ASH2L: variants seen among roughly 807,000 people sequenced by gnomAD.
ASH2L encodes the protein set1/Ash2 histone methyltransferase complex subunit ASH2.
Under a neutral mutation model 81.1 loss-of-function variants are expected in ASH2L, and 30 were observed. The observed-to-expected ratio is 0.37, with a 90% CI of 0.28 to 0.50. ASH2L has a LOEUF of 0.50. Ranked by LOEUF, ASH2L falls within the 20% of genes least tolerant of loss-of-function variation. The pLI, the probability that ASH2L is intolerant of heterozygous loss-of-function variation, is 0.95. For synonymous variants in ASH2L, 273 were observed against 279.9 expected, an observed-to-expected ratio of 0.98 and a Z score of 0.24; for missense variants, 559 against 792.1, an observed-to-expected ratio of 0.71 and a Z score of 3.53.
chr8:38,110,731 T>C lies in ASH2L; in HGVS notation c.491-8T>C. ...AGATAACTGTTTCTTCCTTTTTGTT[T>C]TTGATAGACTTGAAGGAAATGTGCC... On this transcript the variant is annotated splice_region_variant and splice_polypyrimidine_tract_variant and intron_variant, in intron 4 of 15. Coordinates refer to ENST00000343823, the MANE Select transcript of ASH2L (RefSeq NM_004674.5). 1 of 1,611,272 alleles carries C rather than the reference T, an allele frequency of 6.2e-7. No individual in the cohort carries two copies. The highest frequency in any genetic ancestry group is 8.5e-7 in the Non-Finnish European group (1 of 1,178,152).
Position 38,105,537 on chromosome 8 carries a change from C to G in ASH2L, c.-14C>G. 2 of 1,550,884 alleles carry G rather than the reference C, an allele frequency of 1.3e-6. No homozygotes were observed. The highest frequency in any genetic ancestry group is 1.7e-6 in the Non-Finnish European group (2 of 1,146,978). On this transcript the variant is annotated 5_prime_UTR_variant, in exon 1 of 16. Transcript: ENST00000343823. ...GAAGAGAGTATTCTCGCGAGAAGTC[C>G]AGGGGTGGCCGTGATGGCGGCGGCA...
chr8:38,125,171 A>G lies in ASH2L; in HGVS notation c.1166-3120A>G, dbSNP rs185942709. Among the ~76,000 whole-genome samples the G allele has an allele frequency of 2.6e-5, 4 of 152,358 alleles. No homozygotes were observed. The East Asian group carries it at 7.7e-4, about 29-fold the overall frequency. On this transcript the variant is annotated intron_variant, in intron 10 of 15. Transcript: ENST00000343823. ...AACCTGCACTTAGGGTCAAATACCC[A>G]AACTATAGCGATACCTTGTACACTT... is the stretch of plus-strand genomic sequence containing the variant.
chr8:38,120,017 C>T lies in ASH2L; in HGVS notation c.947+654C>T, dbSNP rs560349067. 2.9e-4 allele frequency among the ~76,000 whole-genome samples: 44 copies of T among 151,602 alleles called. 2 individuals carry two copies. In the South Asian group the frequency reaches 8.6e-3, roughly 30 times the overall value. On this transcript the variant is annotated intron_variant, in intron 9 of 15. Coordinates refer to ENST00000343823, the MANE Select transcript of ASH2L (RefSeq NM_004674.5). ...GCACGTGCCTATAATCCCAGCTACT[C>T]GGGAGGCTGAGGTGGGAGAATTGCT...
At chr8:38,138,434 T>G (rs947340496) in intron 14 of ASH2L, 7 of 189,712 alleles carry the variant, frequency 3.7e-5, no homozygotes, top group African/African-American at 1.7e-4. Flanking sequence ...TCACATAAGG[T>G]AAGGTGAACA....
intron 12 of ASH2L, 116 bp from the exon 13 acceptor site, chr8:38,133,338 T>C (rs1044332385): frequency 1.4e-6 from 1 of 702,088 alleles, no homozygotes; most frequent in Non-Finnish European, 2.4e-6. Flanking sequence ...CTGCAAAGAT[T>C]TTTAATATCT....
At chr8:38,116,830 T>C (rs1001738656) in intron 8 of ASH2L, 105 bp downstream of exon 8, 5 of 927,508 alleles carry the variant, frequency 5.4e-6, no homozygotes, top group Non-Finnish European at 8.0e-6. Flanking sequence ...GGATACTTAC[T>C]AAAATGCTTT....
intron 10 of ASH2L, 93 bp downstream of exon 10, chr8:38,121,242 C>A: frequency 2.8e-6 from 3 of 1,085,654 alleles, no homozygotes; most frequent in Non-Finnish European, 4.1e-6. Context: ...ACATCTCAGT[C>A]TGTTGCCACT....
Position 38,139,253 on chromosome 8 carries a change from C to A in ASH2L, c.*182C>A. 1 of 554,478 alleles carries A rather than the reference C, an allele frequency of 1.8e-6. No homozygotes were observed. The highest frequency in any genetic ancestry group is 3.2e-6 in the Non-Finnish European group (1 of 313,296). 34.3% of individuals were successfully genotyped at this position (554,478 alleles called of 1,614,324 possible). On this transcript the variant is annotated 3_prime_UTR_variant, in exon 16 of 16. Coordinates refer to ENST00000343823, the MANE Select transcript of ASH2L (RefSeq NM_004674.5). ...GCCTTTCACCATTTTCTCCCCACTT[C>A]CAGTGACTGCTCTTATTTTGTGTAC...
chr8:38,113,261 C>G (rs774696951), intron 5 of ASH2L, among the ~76,000 whole-genome samples: 2 of 152,252 alleles, frequency 1.3e-5, no homozygotes, highest in African/African-American at 4.8e-5. Context: ...TGAGCCACCA[C>G]GCCCAGCTCT....
intron 13 of ASH2L, among the ~76,000 whole-genome samples, chr8:38,135,230 C>T (rs1802206020): frequency 6.6e-6 from 1 of 152,026 alleles, no homozygotes; most frequent in Non-Finnish European, 1.5e-5. Context: ...ATTCAGAAAA[C>T]AAAGCCCCGG....
chr8:38,105,942 G>A (rs1810406970), intron 1 of ASH2L: 4 of 1,502,344 alleles, frequency 2.7e-6, no homozygotes, highest in South Asian at 2.6e-5. Context: ...GGCGGTGGGA[G>A]CTGAGGCTCC....
chr8:38,107,012 C>T lies in ASH2L; in HGVS notation c.256-9C>T. The T allele has an allele frequency of 6.2e-7, 1 of 1,613,856 alleles. No individual in the cohort carries two copies. The highest frequency in any genetic ancestry group is 8.5e-7 in the Non-Finnish European group (1 of 1,179,842). ...CAACTGATTTGAGTCTCGAACTGCT[C>T]TGACACAGGAAGGTGCTGGGGATAC... is the stretch of plus-strand genomic sequence containing the variant. On this transcript the variant is annotated splice_polypyrimidine_tract_variant and intron_variant, in intron 2 of 15. Transcript: ENST00000343823.
chr8:38,106,022 A>AT (rs1563248262), intron 1 of ASH2L: 1 of 1,529,636 alleles, frequency 6.5e-7, no homozygotes, highest in Non-Finnish European at 8.7e-7. Context: ...AGGCCTTCAC[A>AT]TATTCCAGAA....
At chr8:38,117,315 A>G (rs189027374) in intron 8 of ASH2L, 1 of 369,520 alleles carries the variant, frequency 2.7e-6, no homozygotes, top group Admixed American at 6.4e-5. Flanking sequence ...TCGCGTCTTA[A>G]ATATCTGATC....
intron 10 of ASH2L, among the ~76,000 whole-genome samples, chr8:38,126,403 C>T (rs546618639): frequency 6.6e-6 from 1 of 152,118 alleles, no homozygotes; most frequent in East Asian, 1.9e-4. Context: ...GGGGATATTA[C>T]TTGGATAATT....
At chr8:38,106,507 T>G (rs1450277206) in intron 2 of ASH2L, 63 bp downstream of exon 2, 2 of 215,528 alleles carry the variant, frequency 9.3e-6, no homozygotes, top group Non-Finnish European at 1.6e-5. Flanking sequence ...CTTCTTCTTC[T>G]TTTTTTTTTT....
chr8:38,137,198 C>G (rs1367031110), intron 14 of ASH2L, among the ~76,000 whole-genome samples: 1 of 151,680 alleles, frequency 6.6e-6, no homozygotes, highest in Non-Finnish European at 1.5e-5. Context: ...GTCAAGAGAT[C>G]GAGACCATCC....
chr8:38,133,384 C>A (rs1000015496), intron 12 of ASH2L, 70 bp from the exon 13 acceptor site: 2 of 1,012,262 alleles, frequency 2.0e-6, no homozygotes, highest in South Asian at 1.3e-5. Flanking sequence ...TATTTGTGTG[C>A]GGATGCGTTT....
intron 10 of ASH2L, 123 bp downstream of exon 10, chr8:38,121,272 C>A: frequency 1.4e-6 from 1 of 738,492 alleles, no homozygotes; most frequent in Non-Finnish European, 2.2e-6. Flanking sequence ...CCATCTCTGT[C>A]TAGATTCATC....
Sources: gnomAD v4.1 joint callset for allele counts (sites outside exome capture counted in the v4.1 genomes callset) on GRCh38, gnomAD v4.1.1 for gene constraint, MANE v1.5 for transcripts, NCBI Gene and HGNC (gene_info 2026-07-23, HGNC 2026-07-21) for gene names.